The following CHSY3 variants were observed in gnomAD, a reference collection of about 807,000 sequenced individuals.
CHSY3 encodes the protein chondroitin sulfate synthase 3, also known as N-acetylgalactosaminyl-proteoglycan 3-beta-glucuronosyltransferase 3.
In CHSY3, 35 loss-of-function variants were observed where a neutral mutation model predicts 67.2. The ratio of observed to expected loss-of-function variants is 0.52; its 90% CI spans 0.40 to 0.69. The LOEUF (loss-of-function observed/expected upper bound fraction) is 0.69. Among genes scored for constraint, CHSY3 ranks in the 30% least tolerant of loss-of-function variants. CHSY3 has a pLI of 0.00. For synonymous variants in CHSY3, 474 were observed against 434.7 expected, an observed-to-expected ratio of 1.09 and a Z score of -1.12; for missense variants, 1,069 against 1,138.5, an observed-to-expected ratio of 0.94 and a Z score of 0.88.
Position 130,011,165 on chromosome 5 carries a change from A to G in CHSY3, c.1086+102805A>G, listed in dbSNP as rs78263399. 5.9e-5 allele frequency among the ~76,000 whole-genome samples: 9 copies of G among 152,040 alleles called. No individual in the cohort carries two copies. The East Asian group carries it at 1.5e-3, about 26-fold the overall frequency. ...ATGATAGCAAAACCTTGCAGAAACC[A>G]AACAAAAAAAGAAAATTTCAGGCCA... On this transcript the variant is annotated intron_variant, in intron 2 of 2. Transcript: ENST00000305031.
intron 2 of CHSY3, among the ~76,000 whole-genome samples, chr5:129,981,529 T>G (rs1427016359): frequency 6.6e-6 from 1 of 152,052 alleles, no homozygotes; most frequent in Admixed American, 6.6e-5. Context: ...TTTTTATATT[T>G]AATTTTGGAA....
chr5:129,973,812 A>G (rs1762714063), intron 2 of CHSY3, among the ~76,000 whole-genome samples: 1 of 152,132 alleles, frequency 6.6e-6, no homozygotes, highest in African/African-American at 2.4e-5. Context: ...ATAGTTCTTC[A>G]GTGTCTTGAC....
chr5:129,924,699 C>T (rs1323722072), intron 2 of CHSY3, among the ~76,000 whole-genome samples: 1 of 150,992 alleles, frequency 6.6e-6, no homozygotes, highest in Non-Finnish European at 1.5e-5. Context: ...ATGCCAGTAC[C>T]TAGATATCAT....
intron 2 of CHSY3, among the ~76,000 whole-genome samples, chr5:130,037,552 GC>G (rs1189407329): frequency 1.3e-5 from 2 of 151,978 alleles, no homozygotes; most frequent in African/African-American, 4.8e-5. Context: ...ACATACTATG[GC>G]CTGACTGTTC....
chr5:130,184,595 C>G lies in CHSY3; in HGVS notation c.1453C>G (p.Gln485Glu). 1 of 1,612,094 alleles carries G rather than the reference C, an allele frequency of 6.2e-7. No individual in the cohort carries two copies. Among genetic ancestry groups the G allele is most frequent in the South Asian group, 1.1e-5 (1 of 91,038 alleles). Residue 485 changes from glutamine (Q) to glutamate (E), a missense_variant, in exon 3 of 3, where the codon CAG becomes GAG. By Grantham distance (29) the Gln-to-Glu change is conservative (BLOSUM62 2). Transcript: ENST00000305031. ...YSAAENQPPR[Q>E]SLSSILRTAL... is the part of the protein sequence containing the mutation. ...AGCAGCTGAGAACCAGCCCCCTCGA[C>G]AGAGCCTCAGTAGCATTTTAAGAAC...
intron 2 of CHSY3, among the ~76,000 whole-genome samples, chr5:129,944,813 A>G (rs1442281157): frequency 1.3e-5 from 2 of 152,232 alleles, no homozygotes; most frequent in Non-Finnish European, 2.9e-5. Context: ...GCTTCTTATA[A>G]ATAACAAAAC....
chr5:130,126,899 G>C (rs1768310603), intron 2 of CHSY3, among the ~76,000 whole-genome samples: 1 of 152,160 alleles, frequency 6.6e-6, no homozygotes, highest in Non-Finnish European at 1.5e-5. Context: ...AGCCACCTCT[G>C]TCTGACTCTG....
intron 2 of CHSY3, among the ~76,000 whole-genome samples, chr5:130,125,832 A>G (rs1768263715): frequency 6.6e-6 from 1 of 152,132 alleles, no homozygotes; most frequent in African/African-American, 2.4e-5. Context: ...ACAAGCCTGA[A>G]TTTTGTATTT....
intron 2 of CHSY3, among the ~76,000 whole-genome samples, chr5:130,143,788 A>G (rs1312404087): frequency 0.031 from 1,469 of 47,232 alleles, 97 homozygotes; most frequent in African/African-American, 0.14. Context: ...ATATGTGTAT[A>G]TATATATATA....
intron 2 of CHSY3, among the ~76,000 whole-genome samples, chr5:130,152,423 TACTA>T (rs1217046201): frequency 6.6e-6 from 1 of 152,228 alleles, no homozygotes; most frequent in Non-Finnish European, 1.5e-5. Context: ...TTTGATCCTC[TACTA>T]ACTTTCATCA....
At chr5:129,994,015 T>C (rs1431107453) in intron 2 of CHSY3, among the ~76,000 whole-genome samples, 1 of 152,192 alleles carries the variant, frequency 6.6e-6, no homozygotes, top group East Asian at 1.9e-4. Context: ...AAAATTCTTT[T>C]CTTTAAGAAT....
intron 2 of CHSY3, among the ~76,000 whole-genome samples, chr5:130,086,216 AT>A: frequency 6.6e-6 from 1 of 152,012 alleles, no homozygotes. Context: ...GGGGTGTTAA[AT>A]TCTCCCATTA....
At chr5:130,172,085 G>GATTAT (rs1249743976) in intron 2 of CHSY3, among the ~76,000 whole-genome samples, 1 of 151,994 alleles carries the variant, frequency 6.6e-6, no homozygotes, top group Admixed American at 6.6e-5. Context: ...CTTTCTCTAG[G>GATTAT]ATTATAGTGT....
intron 2 of CHSY3, among the ~76,000 whole-genome samples, chr5:130,020,451 ATATATATATATTTT>A (rs1413627691): frequency 0.013 from 181 of 13,890 alleles, 2 homozygotes; most frequent in Middle Eastern, 0.17. Context: ...ATATATATAT[ATATATATATATTTT>A]TTTTTTTTTT....
intron 2 of CHSY3, among the ~76,000 whole-genome samples, chr5:129,922,626 T>C (rs979608635): frequency 1.3e-5 from 2 of 152,242 alleles, no homozygotes; most frequent in Non-Finnish European, 2.9e-5. Flanking sequence ...GTTAGCCATT[T>C]ATATGTCTTT....
chr5:130,011,588 C>A (rs1353395619), intron 2 of CHSY3, among the ~76,000 whole-genome samples: 1 of 152,166 alleles, frequency 6.6e-6, no homozygotes, highest in Non-Finnish European at 1.5e-5. Context: ...GCTCTGACCA[C>A]TCCTATTCAA....
intron 2 of CHSY3, among the ~76,000 whole-genome samples, chr5:129,959,557 T>TACC (rs1486237486): frequency 1.3e-5 from 2 of 152,138 alleles, no homozygotes; most frequent in African/African-American, 4.8e-5. Context: ...TCAATATCGT[T>TACC]AAATAGGGAG....
chr5:129,953,679 G>T (rs921912408), intron 2 of CHSY3, among the ~76,000 whole-genome samples: 3 of 152,050 alleles, frequency 2.0e-5, no homozygotes, highest in Non-Finnish European at 2.9e-5. Flanking sequence ...ATCCTAACTG[G>T]TATGAGATGG....
chr5:129,971,391 A>C (rs982050660), intron 2 of CHSY3, among the ~76,000 whole-genome samples: 39 of 151,998 alleles, frequency 2.6e-4, no homozygotes, highest in African/African-American at 8.9e-4. Context: ...TTTTATTAAA[A>C]TTAATAAAAT....
Sources: gnomAD v4.1 joint callset for allele counts (sites outside exome capture counted in the v4.1 genomes callset) on GRCh38, gnomAD v4.1.1 for gene constraint, MANE v1.5 for transcripts, NCBI Gene and HGNC (gene_info 2026-07-23, HGNC 2026-07-21) for gene names.